TRAPPC3: variants seen among roughly 807,000 people sequenced by gnomAD.
TRAPPC3 encodes trafficking protein particle complex subunit 3, also known as trafficking protein particle complex 3.
A neutral mutation model predicts 18.2 loss-of-function variants in TRAPPC3; 5 were observed. The ratio of observed to expected loss-of-function variants is 0.28; its 90% CI spans 0.14 to 0.58. The LOEUF is 0.58. Ranked by LOEUF, TRAPPC3 falls within the 20% of genes least tolerant of loss-of-function variation. The probability of loss-of-function intolerance (pLI) is 0.91; values close to 1 mark genes in which losing one functional copy is unlikely to be tolerated. For missense variants in TRAPPC3, 176 were observed against 225.9 expected (o/e 0.78, Z 1.41); for synonymous variants, 65 against 84.2 (o/e 0.77, Z 1.25).
intron 1 of TRAPPC3, chr1:36,141,045 C>G (rs1644100244): frequency 6.6e-6 from 1 of 152,146 alleles, no homozygotes; most frequent in African/African-American, 2.4e-5. Context: ...GTAGTCCCAG[C>G]TACTCAGGAG....
chr1:36,150,641 C>T (rs1275663983), upstream of TRAPPC3, among the ~76,000 whole-genome samples: 1 of 152,222 alleles, frequency 6.6e-6, no homozygotes, highest in Non-Finnish European at 1.5e-5. Context: ...TCCCCCAGTC[C>T]CTCCCTCAGG....
chr1:36,137,448 A>C (rs1206082471), intron 4 of TRAPPC3, 126 bp from the exon 5 acceptor site: 2 of 981,634 alleles, frequency 2.0e-6, no homozygotes, highest in Non-Finnish European at 3.0e-6. Context: ...CCACAAGGAC[A>C]AGATTGACAG....
intron 1 of TRAPPC3, among the ~76,000 whole-genome samples, chr1:36,141,958 CAAAAAAAA>C (rs71053907): frequency 3.1e-5 from 2 of 64,120 alleles, no homozygotes; most frequent in African/African-American, 1.2e-4. Context: ...ATTCCGTCTC[CAAAAAAAA>C]AAAAAAAAAA....
Position 36,149,381 on chromosome 1 carries a change from T to C in TRAPPC3, c.-3A>G, listed in dbSNP as rs758525156. 2.5e-5 allele frequency: 40 copies of C among 1,612,980 alleles called. No individual in the cohort carries two copies. Among genetic ancestry groups the C allele is most frequent in the Middle Eastern group, 1.6e-4 (1 of 6,080 alleles). On this transcript the variant is annotated 5_prime_UTR_variant, in exon 1 of 5. Transcript: ENST00000373166. ...CCACGGTTCGCCTGCCTCGACATGG[T>C]GCCGGCCGCCCCGCCCCACTCGCCT...
intron 1 of TRAPPC3, chr1:36,140,611 A>G (rs560590583): frequency 6.5e-6 from 1 of 153,722 alleles, no homozygotes; most frequent in East Asian, 1.9e-4. Flanking sequence ...CCTGGCCTAG[A>G]GTAAACTGTA....
intron 2 of TRAPPC3, 78 bp from the exon 3 acceptor site, chr1:36,139,897 G>T: frequency 1.3e-6 from 2 of 1,567,900 alleles, no homozygotes; most frequent in East Asian, 2.3e-5. Context: ...TGGTGGTAAA[G>T]GGAAAATGGG....
chr1:36,148,495 T>C (rs563037331), intron 1 of TRAPPC3, among the ~76,000 whole-genome samples: 1 of 150,306 alleles, frequency 6.7e-6, no homozygotes, highest in African/African-American at 2.5e-5. Context: ...CTCGGGAGGC[T>C]GAGGCAGAAG....
chr1:36,137,496 C>T (rs1401631183), intron 4 of TRAPPC3, 174 bp from the exon 5 acceptor site: 1 of 678,208 alleles, frequency 1.5e-6, no homozygotes, highest in African/African-American at 1.8e-5. Context: ...GGCTCCAACC[C>T]TTAAGGAGAA....
chr1:36,154,851 C>T (rs1055013770), intron 1 of TRAPPC3, among the ~76,000 whole-genome samples: 2 of 152,220 alleles, frequency 1.3e-5, no homozygotes, highest in African/African-American at 2.4e-5. Flanking sequence ...CCAGTTGCCG[C>T]CCTTCTATCA....
chr1:36,145,079 T>C (rs1290676684), intron 1 of TRAPPC3, among the ~76,000 whole-genome samples: 2 of 152,128 alleles, frequency 1.3e-5, no homozygotes, highest in Non-Finnish European at 2.9e-5. Flanking sequence ...TGAAGTGCAG[T>C]AGCGCAATCT....
rs1405814318 is a variant in TRAPPC3 at position 36,136,667 on chromosome 1, G to A, written c.*536C>T. ...AGAGGAGATGTTGCCTCCAACAGCAGGGAGGAATGAGACCTGGGTGGCTTC... is the reference window on the plus strand; with the variant it reads ...AGAGGAGATGTTGCCTCCAACAGCAAGGAGGAATGAGACCTGGGTGGCTTC... On this transcript the variant is annotated 3_prime_UTR_variant, in exon 5 of 5. Coordinates refer to ENST00000373166, the MANE Select transcript of TRAPPC3 (RefSeq NM_014408.5). 6.5e-6 allele frequency: 1 copy of A among 152,684 alleles called. No homozygotes were observed. Among genetic ancestry groups the A allele is most frequent in the Non-Finnish European group, 1.5e-5 (1 of 68,068 alleles). 9.5% of individuals were successfully genotyped at this position (152,684 alleles called of 1,614,324 possible).
chr1:36,150,788 G>C (rs1051183268), upstream of TRAPPC3, among the ~76,000 whole-genome samples: 1 of 152,268 alleles, frequency 6.6e-6, no homozygotes, highest in Non-Finnish European at 1.5e-5. Flanking sequence ...GAAGGAACTT[G>C]AGGGTTGGTT....
Position 36,149,462 on chromosome 1 carries a change from T to A in TRAPPC3, c.-84A>T. ...ACGCCGGAGCCTAAGCCGCTGCCCC[T>A]CAGCCCACAAGACCGACCGGCACTG... On this transcript the variant is annotated 5_prime_UTR_variant, in exon 1 of 5. Coordinates refer to ENST00000373166, the MANE Select transcript of TRAPPC3 (RefSeq NM_014408.5). 6.4e-7 allele frequency: 1 copy of A among 1,554,348 alleles called. No individual in the cohort carries two copies. The highest frequency in any genetic ancestry group is 1.1e-5 in the South Asian group (1 of 87,200).
At position 36,137,132 on chromosome 1, in the gene TRAPPC3, G is replaced by C. The variant is rs1644036501; in HGVS notation, c.*71C>G. On this transcript the variant is annotated 3_prime_UTR_variant, in exon 5 of 5. Transcript: ENST00000373166. ...GTTCAAGAGTCACTGAGTTCTGGAG[G>C]GCAGAGGGAGCACAGAGGCCTGCTG... 8.4e-6 allele frequency: 13 copies of C among 1,545,294 alleles called. No individual in the cohort carries two copies. The East Asian group carries it at 3.0e-4, about 35-fold the overall frequency.
chr1:36,152,303 T>C (rs1644277069), upstream of TRAPPC3, among the ~76,000 whole-genome samples: 1 of 151,738 alleles, frequency 6.6e-6, no homozygotes, highest in South Asian at 2.1e-4. Flanking sequence ...TTCTTTTTTT[T>C]TTTTTTTTGT....
chr1:36,154,755 C>T (rs917756622), intron 1 of TRAPPC3, among the ~76,000 whole-genome samples: 5 of 152,212 alleles, frequency 3.3e-5, no homozygotes, highest in African/African-American at 1.2e-4. Flanking sequence ...CCCCAAGATA[C>T]CTCATGGCAC....
chr1:36,140,250 T>C (rs1644088303), intron 1 of TRAPPC3, 84 bp from the exon 2 acceptor site: 1 of 801,542 alleles, frequency 1.2e-6, no homozygotes, highest in Non-Finnish European at 1.9e-6. Flanking sequence ...TTGATGCAAC[T>C]GTCAGGATTC....
chr1:36,150,919 T>C (rs569435528), upstream of TRAPPC3, among the ~76,000 whole-genome samples: 2 of 152,266 alleles, frequency 1.3e-5, no homozygotes, highest in South Asian at 2.1e-4. Context: ...GGCCAGCCGG[T>C]CTGTCGGTCT....
upstream of TRAPPC3, among the ~76,000 whole-genome samples, chr1:36,152,264 G>C (rs761377481): frequency 6.6e-6 from 1 of 151,782 alleles, no homozygotes; most frequent in Non-Finnish European, 1.5e-5. Flanking sequence ...TCTTCCCCTC[G>C]GGGAAACAGG....
Sources: allele counts gnomAD v4.1 joint callset (sites outside exome capture counted in the v4.1 genomes callset), GRCh38; gene constraint gnomAD v4.1.1; transcripts MANE v1.5; gene names NCBI Gene and HGNC (gene_info 2026-07-23, HGNC 2026-07-21).